Variants in SLMAP observed in about 807,000 individuals in gnomAD.
SLMAP encodes the protein sarcolemma associated protein.
Under a neutral mutation model 128.8 loss-of-function variants are expected in SLMAP, and 44 were observed. The ratio of observed to expected loss-of-function variants is 0.34; its 90% CI spans 0.27 to 0.44. The LOEUF (loss-of-function observed/expected upper bound fraction) is 0.44. SLMAP is among the 20% of genes least tolerant of loss of function. The pLI, the probability that SLMAP is intolerant of heterozygous loss-of-function variation, is 1.00. For synonymous variants in SLMAP, 327 were observed against 348.8 expected (o/e 0.94, Z 0.70); for missense variants, 787 against 985.3 (o/e 0.80, Z 2.69).
At chr3:57,828,140 G>A (rs2093056263) in intron 2 of SLMAP, among the ~76,000 whole-genome samples, 1 of 152,102 alleles carries the variant, frequency 6.6e-6, no homozygotes, top group East Asian at 1.9e-4. Flanking sequence ...TGTGTTTTTA[G>A]TAGAGATGGG....
At position 57,928,989 on chromosome 3, in the gene SLMAP, T is replaced by A. The variant is rs1222513466; in HGVS notation, c.*1700T>A. 1 of 152,598 alleles carries A rather than the reference T, an allele frequency of 6.6e-6. No individual in the cohort carries two copies. The highest frequency in any genetic ancestry group is 1.5e-5 in the Non-Finnish European group (1 of 68,016). The allele number at this position is 152,598 out of a possible 1,614,324, so 9.5% of individuals were successfully genotyped here. A position where few individuals can be genotyped will look rare whatever the true frequency, so the allele number is the denominator to read the frequency against. On this transcript the variant is annotated 3_prime_UTR_variant, in exon 25 of 25. Coordinates refer to ENST00000671191, the MANE Select transcript of SLMAP (RefSeq NM_001377540.1). Reference sequence around the variant, plus strand: ...GTACCCAGTACCTCTTGTATATAGGTTATTGCAAATATTGTTCTGAAATGC... The same window carrying A: ...GTACCCAGTACCTCTTGTATATAGGATATTGCAAATATTGTTCTGAAATGC...
chr3:57,844,444 C>T (rs2094140810), intron 4 of SLMAP, among the ~76,000 whole-genome samples: 1 of 151,862 alleles, frequency 6.6e-6, no homozygotes, highest in African/African-American at 2.4e-5. Context: ...ATAATCCCAC[C>T]ACTCTAACAC....
Position 57,862,098 on chromosome 3 carries a change from C to G in SLMAP, c.966+12C>G. 1 of 1,550,464 alleles carries G rather than the reference C, an allele frequency of 6.4e-7. No homozygotes were observed. Among genetic ancestry groups the G allele is most frequent in the Non-Finnish European group, 8.9e-7 (1 of 1,125,484 alleles). ...CTGATAAATTAAAGGTATGTATTTA[C>G]TCTGCCTGAAAGTATGTTAAGCTAA... On this transcript the variant is annotated intron_variant, in intron 10 of 24. Transcript: ENST00000671191.
At chr3:57,877,895 C>T (rs1031937175) in intron 14 of SLMAP, among the ~76,000 whole-genome samples, 2 of 141,546 alleles carry the variant, frequency 1.4e-5, no homozygotes, top group African/African-American at 5.3e-5. Flanking sequence ...AGTGCAATGG[C>T]GTGATCTCGA....
At chr3:57,797,288 C>T (rs551210863) in intron 2 of SLMAP, among the ~76,000 whole-genome samples, 1 of 151,358 alleles carries the variant, frequency 6.6e-6, no homozygotes, top group African/African-American at 2.4e-5. Flanking sequence ...AGTTTGAGAC[C>T]AGCCTGACCA....
intron 2 of SLMAP, among the ~76,000 whole-genome samples, chr3:57,768,902 C>G (rs2080254238): frequency 6.6e-6 from 1 of 152,124 alleles, no homozygotes; most frequent in African/African-American, 2.4e-5. Context: ...TTCCCTGAAT[C>G]CCTAGTCTAA....
intron 2 of SLMAP, among the ~76,000 whole-genome samples, chr3:57,764,318 A>G (rs898966083): frequency 6.6e-6 from 1 of 152,140 alleles, no homozygotes; most frequent in African/African-American, 2.4e-5. Flanking sequence ...CCTGGCCAAC[A>G]TGGTGAAACC....
chr3:57,807,876 C>G (rs564690860), intron 2 of SLMAP, among the ~76,000 whole-genome samples: 1 of 152,262 alleles, frequency 6.6e-6, no homozygotes, highest in Non-Finnish European at 1.5e-5. Flanking sequence ...TCTGGTAGAA[C>G]TTGGCTGTGA....
intron 2 of SLMAP, among the ~76,000 whole-genome samples, chr3:57,815,515 GTTAT>G (rs2091733488): frequency 3.3e-5 from 5 of 151,842 alleles, no homozygotes; most frequent in Admixed American, 2.6e-4. Context: ...AATAAATATG[GTTAT>G]TTATGATAAC....
chr3:57,925,003 G>A (rs2096980279), intron 23 of SLMAP, among the ~76,000 whole-genome samples: 1 of 147,770 alleles, frequency 6.8e-6, no homozygotes, highest in Admixed American at 6.8e-5. Context: ...CACCCAGGCT[G>A]GAGTGCAGTG....
intron 15 of SLMAP, 75 bp from the exon 16 acceptor site, chr3:57,896,436 C>A (rs1046520733): frequency 6.8e-7 from 1 of 1,472,538 alleles, no homozygotes. Context: ...TTTGAGCATT[C>A]ATAGCCTGAA....
rs1329098935 is a variant in SLMAP at position 57,848,504 on chromosome 3, CTTCT to C, written c.457-1244_457-1241del. 1.7e-3 allele frequency among the ~76,000 whole-genome samples: 253 copies of C among 149,622 alleles called. 1 individual carries two copies. The highest frequency in any genetic ancestry group is 5.9e-3 in the African/African-American group (240 of 40,632). On this transcript the variant is annotated intron_variant, in intron 5 of 24. Transcript: ENST00000671191. ...TCGTCCTCCCTCCTCCTACTTCCTT[CTTCT>C]TTCTTCTTCTTCCTTCTTTCTCCTT...
chr3:57,800,111 G>A (rs1429258807), intron 2 of SLMAP: 4 of 152,174 alleles, frequency 2.6e-5, no homozygotes, highest in Non-Finnish European at 4.4e-5. Flanking sequence ...AAATGTAACG[G>A]CCTAATTCTT....
chr3:57,906,300 C>CTTTTTTTTTTTTT (rs112949836), intron 17 of SLMAP, among the ~76,000 whole-genome samples: 2 of 71,288 alleles, frequency 2.8e-5, no homozygotes, highest in East Asian at 9.5e-4. Context: ...AAATTTTTTT[C>CTTTTTTTTTTTTT]TTTTTTTTTC....
intron 2 of SLMAP, among the ~76,000 whole-genome samples, chr3:57,781,093 A>C (rs2082966584): frequency 6.6e-6 from 1 of 152,036 alleles, no homozygotes; most frequent in Non-Finnish European, 1.5e-5. Context: ...AAATAAAAAT[A>C]AATTAGCGAG....
At chr3:57,912,188 A>G (rs2096717152) in intron 19 of SLMAP, 193 bp from the exon 20 acceptor site, 2 of 509,656 alleles carry the variant, frequency 3.9e-6, no homozygotes, top group Admixed American at 6.4e-5. Flanking sequence ...TGTTGGGGAG[A>G]TGAAGATCAC....
At chr3:57,785,680 C>CTGCTTCTACT (rs2083942065) in intron 2 of SLMAP, among the ~76,000 whole-genome samples, 2 of 152,164 alleles carry the variant, frequency 1.3e-5, no homozygotes, top group Non-Finnish European at 2.9e-5. Flanking sequence ...TCTACTACCA[C>CTGCTTCTACT]ACTTCTCTTT....
At chr3:57,844,124 G>T (rs1172987964) in intron 4 of SLMAP, among the ~76,000 whole-genome samples, 4 of 151,984 alleles carry the variant, frequency 2.6e-5, no homozygotes, top group African/African-American at 4.8e-5. Context: ...TGGCGCAGGT[G>T]GCTCGTGCCT....
At position 57,884,760 on chromosome 3, in the gene SLMAP, G is replaced by A. The variant is rs369639652; in HGVS notation, c.1301-5281G>A. ...GAAGGTGGAGATTGCAGTGGGCAGA[G>A]ATCACGCCACTGCACTCCAGCCTGG... is the stretch of plus-strand genomic sequence containing the variant. On this transcript the variant is annotated intron_variant, in intron 14 of 24. Coordinates refer to ENST00000671191, the MANE Select transcript of SLMAP (RefSeq NM_001377540.1). 1.7e-4 allele frequency among the ~76,000 whole-genome samples: 26 copies of A among 152,150 alleles called. No homozygotes were observed. The South Asian group carries it at 5.4e-3, about 32-fold the overall frequency.
Sources: allele counts gnomAD v4.1 joint callset (sites outside exome capture counted in the v4.1 genomes callset), GRCh38; gene constraint gnomAD v4.1.1; transcripts MANE v1.5; gene names NCBI Gene and HGNC (gene_info 2026-07-23, HGNC 2026-07-21).